Variants in SMAP2 observed in about 807,000 individuals in gnomAD.
The protein encoded by SMAP2 is stromal membrane-associated protein 2.
In SMAP2, 25 loss-of-function variants were observed where a neutral mutation model predicts 56.4. The ratio of observed to expected loss-of-function variants is 0.44; its 90% CI spans 0.32 to 0.62. SMAP2 has a LOEUF of 0.62. Ranked by LOEUF, SMAP2 falls within the 20% of genes least tolerant of loss-of-function variation. The probability of loss-of-function intolerance (pLI) is 0.04; values close to 1 mark genes in which losing one functional copy is unlikely to be tolerated. For synonymous variants in SMAP2, 157 were observed against 181.7 expected (o/e 0.86, Z 1.09); for missense variants, 388 against 545.6 (o/e 0.71, Z 2.88).
intron 2 of SMAP2, among the ~76,000 whole-genome samples, chr1:40,363,237 A>C (rs1464685069): frequency 6.6e-6 from 1 of 152,204 alleles, no homozygotes. Flanking sequence ...GGGGGAGTAT[A>C]TATAAAGAAA....
At chr1:40,383,823 T>TA (rs1386387593) in intron 1 of SMAP2, among the ~76,000 whole-genome samples, 5 of 152,312 alleles carry the variant, frequency 3.3e-5, no homozygotes, top group Non-Finnish European at 7.4e-5. Flanking sequence ...CAGCTTGAGT[T>TA]AGTCACACAG....
chr1:40,355,230 C>G (rs984624396), intron 1 of SMAP2, among the ~76,000 whole-genome samples: 1 of 152,130 alleles, frequency 6.6e-6, no homozygotes, highest in Non-Finnish European at 1.5e-5. Context: ...CAGCACTCTT[C>G]CGGCCTCTAC....
At chr1:40,353,512 G>A (rs1364308881) in intron 1 of SMAP2, among the ~76,000 whole-genome samples, 1 of 152,128 alleles carries the variant, frequency 6.6e-6, no homozygotes, top group Non-Finnish European at 1.5e-5. Context: ...GGGACTACAG[G>A]CATTTGCCAC....
At chr1:40,364,527 G>C (rs1347681808) in intron 2 of SMAP2, among the ~76,000 whole-genome samples, 2 of 152,080 alleles carry the variant, frequency 1.3e-5, no homozygotes, top group Non-Finnish European at 2.9e-5. Context: ...AGGATCGCTT[G>C]ATTCCAGGAG....
At chr1:40,356,853 C>T (rs1198109529) in intron 1 of SMAP2, among the ~76,000 whole-genome samples, 2 of 152,152 alleles carry the variant, frequency 1.3e-5, no homozygotes, top group Non-Finnish European at 2.9e-5. Flanking sequence ...GGATAAAAGC[C>T]ATTTTAACTG....
At position 40,417,009 on chromosome 1, in the gene SMAP2, G is replaced by A. The variant is rs1644994765; in HGVS notation, c.1077G>A (p.Gln359=). Residue 359 remains glutamine (Q), a synonymous_variant, in exon 9 of 10, where the codon CAG becomes CAA. Transcript: ENST00000372718. ...GVPNGMMTTQ[Q]AGYMAGMAAM... is the part of the protein sequence containing the mutation. ...CGAATGGAATGATGACCACCCAGCA[G>A]GCTGGCTACATGGCAGGCATGGCAG... 1.9e-6 allele frequency: 3 copies of A among 1,614,058 alleles called. No individual in the cohort carries two copies. Among genetic ancestry groups the A allele is most frequent in the Non-Finnish European group, 2.5e-6 (3 of 1,180,018 alleles).
At chr1:40,411,001 A>G (rs901169894) in intron 4 of SMAP2, among the ~76,000 whole-genome samples, 1 of 152,136 alleles carries the variant, frequency 6.6e-6, no homozygotes, top group East Asian at 1.9e-4. Flanking sequence ...CAGTGAAATC[A>G]CTGTTTGCAC....
chr1:40,417,945 CA>C lies in SMAP2; in HGVS notation c.1164+854del, dbSNP rs1402111612. ...CTGATTGAGAAAAAATAAGACCTTA[CA>C]AAAATGAACCAAACATGGAAGCTGA... On this transcript the variant is annotated intron_variant, in intron 9 of 9. Coordinates refer to ENST00000372718, the MANE Select transcript of SMAP2 (RefSeq NM_022733.3). Among the ~76,000 whole-genome samples, 14 of 152,142 alleles carry C rather than the reference CA, an allele frequency of 9.2e-5. 1 individual carries two copies. Among genetic ancestry groups the C allele is most frequent in the East Asian group, 5.8e-4 (3 of 5,178 alleles).
At chr1:40,420,197 C>T (rs1362870626) in intron 9 of SMAP2, among the ~76,000 whole-genome samples, 3 of 152,066 alleles carry the variant, frequency 2.0e-5, no homozygotes, top group South Asian at 2.1e-4. Flanking sequence ...CCTCAATTTC[C>T]GTAGGCTTTC....
chr1:40,421,539 T>C (rs1040875610), intron 9 of SMAP2, among the ~76,000 whole-genome samples: 1 of 151,742 alleles, frequency 6.6e-6, no homozygotes, highest in Middle Eastern at 3.4e-3. Context: ...GCAAGCCTGC[T>C]CAAGCGCTTT....
At chr1:40,396,612 G>C (rs1023368979) in intron 1 of SMAP2, among the ~76,000 whole-genome samples, 4 of 152,198 alleles carry the variant, frequency 2.6e-5, no homozygotes, top group Admixed American at 2.0e-4. Flanking sequence ...AAAGGGACTT[G>C]TCTTGCAAGT....
At chr1:40,379,437 T>C (rs1644573995) in intron 1 of SMAP2, among the ~76,000 whole-genome samples, 1 of 152,160 alleles carries the variant, frequency 6.6e-6, no homozygotes, top group African/African-American at 2.4e-5. Context: ...GAGCATACAC[T>C]TTCCATGCAC....
upstream of SMAP2, among the ~76,000 whole-genome samples, chr1:40,372,614 A>G (rs1395370866): frequency 6.6e-6 from 1 of 152,234 alleles, no homozygotes; most frequent in Non-Finnish European, 1.5e-5. Flanking sequence ...TGTTGTGATT[A>G]ATAAAGTAAT....
chr1:40,362,215 CAGA>C (rs1226842913), intron 1 of SMAP2: 1 of 152,198 alleles, frequency 6.6e-6, no homozygotes, highest in African/African-American at 2.4e-5. Flanking sequence ...AGGGAGAAAG[CAGA>C]GAAAATAAAT....
rs1644398479 is a variant in SMAP2 at position 40,348,602 on chromosome 1, A to T, written c.-83+3692A>T. On this transcript the variant is annotated intron_variant, in intron 1 of 6. Transcript: ENST00000435168. ...TGAGTCAAGAGAATCGCTTGAACCCAGGAGGCAGAGGTTGCAGTGAGCAGA... is the reference window on the plus strand; with the variant it reads ...TGAGTCAAGAGAATCGCTTGAACCCTGGAGGCAGAGGTTGCAGTGAGCAGA... Among the ~76,000 whole-genome samples the T allele has an allele frequency of 2.0e-5, 3 of 152,072 alleles. No homozygotes were observed. The South Asian group carries it at 6.3e-4, about 32-fold the overall frequency.
chr1:40,355,754 C>T (rs543307960), intron 1 of SMAP2, among the ~76,000 whole-genome samples: 274 of 152,210 alleles, frequency 1.8e-3, no homozygotes, highest in African/African-American at 6.2e-3. Flanking sequence ...CCTCAAGTAG[C>T]TGGAACTACA....
At chr1:40,401,253 A>G (rs1644831595) in intron 1 of SMAP2, among the ~76,000 whole-genome samples, 1 of 152,198 alleles carries the variant, frequency 6.6e-6, no homozygotes, top group Admixed American at 6.5e-5. Context: ...ACAGAGCGAG[A>G]TTCCGTCTCA....
At chr1:40,387,930 G>A (rs987141100) in intron 1 of SMAP2, among the ~76,000 whole-genome samples, 3 of 151,994 alleles carry the variant, frequency 2.0e-5, no homozygotes, top group African/African-American at 7.2e-5. Flanking sequence ...TGGGCTTGGC[G>A]GGCCCCGCAC....
At chr1:40,389,780 C>T (rs1441760893) in intron 1 of SMAP2, among the ~76,000 whole-genome samples, 1 of 152,168 alleles carries the variant, frequency 6.6e-6, no homozygotes, top group Non-Finnish European at 1.5e-5. Flanking sequence ...AATATTTAGA[C>T]GTGGTTCTCA....
Sources: gnomAD v4.1 joint callset for allele counts (sites outside exome capture counted in the v4.1 genomes callset) on GRCh38, gnomAD v4.1.1 for gene constraint, MANE v1.5 for transcripts, NCBI Gene and HGNC (gene_info 2026-07-23, HGNC 2026-07-21) for gene names.